Variants in CTNNA3 observed in about 807,000 individuals in gnomAD.
The protein encoded by CTNNA3 is catenin alpha 3, also known as catenin alpha-3.
Under a neutral mutation model 95.7 loss-of-function variants are expected in CTNNA3, and 76 were observed. The ratio of observed to expected loss-of-function variants is 0.79; its 90% confidence interval spans 0.66 to 0.96. The LOEUF (loss-of-function observed/expected upper bound fraction) is 0.96, where lower values mean the gene tolerates loss of function less well. CTNNA3 is among the 40% of genes least tolerant of loss of function. The probability of loss-of-function intolerance (pLI) is 0.00; values close to 1 mark genes in which losing one functional copy is unlikely to be tolerated. For synonymous variants in CTNNA3, 431 were observed against 374.4 expected, an observed-to-expected ratio of 1.15 and a Z score of -1.74; for missense variants, 1,191 against 1,089.8, an observed-to-expected ratio of 1.09 and a Z score of -1.31.
intron 2 of CTNNA3, among the ~76,000 whole-genome samples, chr10:67,614,786 T>C (rs1174046158): frequency 6.6e-6 from 1 of 152,134 alleles, no homozygotes; most frequent in Non-Finnish European, 1.5e-5. Context: ...CAGAAATTTA[T>C]TTTCTTACAG....
intron 5 of CTNNA3, among the ~76,000 whole-genome samples, chr10:67,400,370 A>G (rs146956726): frequency 6.6e-6 from 1 of 152,364 alleles, no homozygotes; most frequent in Non-Finnish European, 1.5e-5. Flanking sequence ...TTACAGATGT[A>G]TTATGAAATA....
At position 66,381,494 on chromosome 10, in the gene CTNNA3, G is replaced by A. The variant is rs141701549; in HGVS notation, c.1532-2142C>T. On this transcript the variant is annotated intron_variant, in intron 11 of 17. Transcript: ENST00000433211. ...GGGAAAGAATTTTATCTTATTCCTC[G>A]AGGTATTCTAAGTAGTACTTGTTAT... Among the ~76,000 whole-genome samples, 822 of 152,078 alleles carry A rather than the reference G, an allele frequency of 5.4e-3. 9 individuals carry two copies. Among genetic ancestry groups the A allele is most frequent in the African/African-American group, 0.014 (572 of 41,478 alleles).
chr10:67,387,108 G>A (rs1409535887), intron 5 of CTNNA3, among the ~76,000 whole-genome samples: 1 of 152,140 alleles, frequency 6.6e-6, no homozygotes, highest in East Asian at 1.9e-4. Context: ...CGTGAGCGAC[G>A]CAGAAGACGG....
chr10:67,311,670 A>T (rs751571354), intron 5 of CTNNA3, among the ~76,000 whole-genome samples: 5 of 152,204 alleles, frequency 3.3e-5, no homozygotes, highest in Non-Finnish European at 5.9e-5. Context: ...TTAGTAAAGC[A>T]CACTCACAGA....
At chr10:67,755,952 G>C (rs1028172550) in intron 1 of CTNNA3, among the ~76,000 whole-genome samples, 4 of 151,952 alleles carry the variant, frequency 2.6e-5, no homozygotes, top group Admixed American at 1.3e-4. Flanking sequence ...AATGGATAAA[G>C]AAAAAGTGGT....
At chr10:67,250,293 G>T in intron 5 of CTNNA3, among the ~76,000 whole-genome samples, 1 of 151,192 alleles carries the variant, frequency 6.6e-6, no homozygotes, top group East Asian at 2.0e-4. Context: ...TCAGCTCACT[G>T]CCACCTCCAC....
At chr10:67,485,439 G>C (rs1267751737) in intron 5 of CTNNA3, among the ~76,000 whole-genome samples, 1 of 152,032 alleles carries the variant, frequency 6.6e-6, no homozygotes, top group Admixed American at 6.6e-5. Context: ...CCAAACCTTA[G>C]CAGCTTGCAA....
At chr10:66,730,258 T>A (rs889489643) in intron 9 of CTNNA3, among the ~76,000 whole-genome samples, 1 of 152,158 alleles carries the variant, frequency 6.6e-6, no homozygotes, top group Non-Finnish European at 1.5e-5. Flanking sequence ...CACCATGGAA[T>A]ACTATGCAGC....
At chr10:67,418,871 A>T (rs556283437) in intron 5 of CTNNA3, among the ~76,000 whole-genome samples, 1 of 152,350 alleles carries the variant, frequency 6.6e-6, no homozygotes, top group South Asian at 2.1e-4. Context: ...CACAAAAAAA[A>T]TGATAAATAT....
At chr10:66,446,497 C>T (rs891088288) in intron 11 of CTNNA3, among the ~76,000 whole-genome samples, 21 of 151,458 alleles carry the variant, frequency 1.4e-4, no homozygotes, top group South Asian at 4.1e-4. Context: ...GGCTTCATCC[C>T]TGGGATGCAA....
rs528926865 is a variant in CTNNA3, at chr10:67,126,442, G to A, written c.1047+53875C>T. Among the ~76,000 whole-genome samples, 22 of 152,080 alleles carry A rather than the reference G, an allele frequency of 1.4e-4. No individual in the cohort carries two copies. The East Asian group carries it at 3.3e-3, about 23-fold the overall frequency. On this transcript the variant is annotated intron_variant, in intron 7 of 17. Coordinates refer to ENST00000433211, the MANE Select transcript of CTNNA3 (RefSeq NM_013266.4). ...CTCGGGAGACTGAGGCGGGAGAATC[G>A]CTTGATCCCGGGAGGCGGAGCCAAG... is the stretch of plus-strand genomic sequence containing the variant.
intron 15 of CTNNA3, among the ~76,000 whole-genome samples, chr10:66,051,806 T>A (rs2133538753): frequency 6.6e-6 from 1 of 152,318 alleles, no homozygotes; most frequent in East Asian, 1.9e-4. Flanking sequence ...ATCTTAGGTC[T>A]CCCTTGTGGG....
At chr10:66,191,318 A>C (rs1173735565) in intron 13 of CTNNA3, among the ~76,000 whole-genome samples, 1 of 152,104 alleles carries the variant, frequency 6.6e-6, no homozygotes, top group Non-Finnish European at 1.5e-5. Context: ...CAACCCTTAA[A>C]ATGTCTCCAT....
At chr10:65,978,482 AT>A (rs371859926) in intron 16 of CTNNA3, among the ~76,000 whole-genome samples, 76 of 105,642 alleles carry the variant, frequency 7.2e-4, no homozygotes, top group African/African-American at 1.6e-3. Flanking sequence ...TTCCTGAGCA[AT>A]TTTTTTTTTT....
intron 10 of CTNNA3, among the ~76,000 whole-genome samples, chr10:66,565,904 C>G (rs1260886365): frequency 2.0e-5 from 3 of 151,998 alleles, no homozygotes; most frequent in African/African-American, 7.3e-5. Flanking sequence ...TATCCCAGCA[C>G]CTAGTATTGT....
intron 5 of CTNNA3, among the ~76,000 whole-genome samples, chr10:67,410,819 A>C (rs997384854): frequency 6.6e-6 from 1 of 152,170 alleles, no homozygotes; most frequent in African/African-American, 2.4e-5. Flanking sequence ...TCCACAGATG[A>C]GTAGATAAAG....
At chr10:66,589,723 T>C (rs926955720) in intron 10 of CTNNA3, among the ~76,000 whole-genome samples, 4 of 152,172 alleles carry the variant, frequency 2.6e-5, no homozygotes, top group Non-Finnish European at 5.9e-5. Flanking sequence ...TAATCTGTTC[T>C]AAAACATATG....
chr10:66,679,675 A>G (rs1183909123), intron 9 of CTNNA3, among the ~76,000 whole-genome samples: 1 of 152,196 alleles, frequency 6.6e-6, no homozygotes, highest in South Asian at 2.1e-4. Flanking sequence ...GTATAAAAAT[A>G]TACTCTTTTT....
chr10:66,348,240 G>A (rs1009940150), intron 12 of CTNNA3, among the ~76,000 whole-genome samples: 1 of 152,004 alleles, frequency 6.6e-6, no homozygotes, highest in Non-Finnish European at 1.5e-5. Flanking sequence ...GCATTAATTA[G>A]TCTATATATT....
Sources: gnomAD v4.1 joint callset for allele counts (sites outside exome capture counted in the v4.1 genomes callset) on GRCh38, gnomAD v4.1.1 for gene constraint, MANE v1.5 for transcripts, NCBI Gene and HGNC (gene_info 2026-07-23, HGNC 2026-07-21) for gene names.